Variants in LRRC4C observed in about 807,000 individuals in gnomAD.
The protein encoded by LRRC4C is leucine-rich repeat-containing protein 4C.
A neutral mutation model predicts 33.6 loss-of-function variants in LRRC4C; 5 were observed. The ratio of observed to expected loss-of-function variants is 0.15; its 90% CI spans 0.08 to 0.31. The LOEUF is 0.31. Ranked by LOEUF, LRRC4C falls within the 10% of genes least tolerant of loss-of-function variation. The probability of loss-of-function intolerance (pLI) is 1.00; values close to 1 mark genes in which losing one functional copy is unlikely to be tolerated. For missense variants in LRRC4C, 560 were observed against 796.7 expected (o/e 0.70, Z 3.58); for synonymous variants, 329 against 302.0 (o/e 1.09, Z -0.93).
chr11:41,076,717 C>T lies in LRRC4C; in HGVS notation c.-495-142994G>A, dbSNP rs368498337. 6.4e-4 allele frequency among the ~76,000 whole-genome samples: 98 copies of T among 152,244 alleles called. 4 individuals carry two copies. The South Asian group carries it at 0.018, about 27-fold the overall frequency. ...TGCCCATGGCCCCTCTCAAATCTCA[C>T]GTCCTTTTCACATTTCAAAACCAAT... On this transcript the variant is annotated intron_variant, in intron 1 of 6. Coordinates refer to ENST00000528697, the MANE Select transcript of LRRC4C (RefSeq NM_001258419.2).
Position 40,885,479 on chromosome 11 carries a change from G to A in LRRC4C, c.-407+48156C>T, listed in dbSNP as rs184284803. Among the ~76,000 whole-genome samples the A allele has an allele frequency of 4.0e-3, 607 of 152,068 alleles. 5 individuals carry two copies. Among genetic ancestry groups the A allele is most frequent in the African/African-American group, 0.014 (566 of 41,498 alleles). ...TCAAGGACCCTGTGGCTTATGTTGA[G>A]ACATGTTTAAAAGATAGTTCATCCA... On this transcript the variant is annotated intron_variant, in intron 2 of 6. Coordinates refer to ENST00000528697, the MANE Select transcript of LRRC4C (RefSeq NM_001258419.2).
intron 1 of LRRC4C, among the ~76,000 whole-genome samples, chr11:41,353,973 G>C (rs973888245): frequency 6.6e-6 from 1 of 152,052 alleles, no homozygotes; most frequent in Non-Finnish European, 1.5e-5. Flanking sequence ...AAAAAGACAA[G>C]GATGCCCACT....
At chr11:40,458,537 G>A (rs989840672) in intron 3 of LRRC4C, among the ~76,000 whole-genome samples, 9 of 152,090 alleles carry the variant, frequency 5.9e-5, no homozygotes, top group South Asian at 4.1e-4. Flanking sequence ...TTCATCATCC[G>A]TGAAGTTTCT....
At chr11:41,336,856 G>T (rs767243821) in intron 1 of LRRC4C, among the ~76,000 whole-genome samples, 3 of 151,968 alleles carry the variant, frequency 2.0e-5, no homozygotes, top group Non-Finnish European at 4.4e-5. Flanking sequence ...GCTAGTCCTT[G>T]CATGGACACC....
At chr11:40,207,972 C>T (rs1863283442) in intron 5 of LRRC4C, among the ~76,000 whole-genome samples, 2 of 152,284 alleles carry the variant, frequency 1.3e-5, no homozygotes, top group African/African-American at 4.8e-5. Context: ...ACCACTGCTT[C>T]CTGCCTCTTC....
At chr11:41,398,515 T>C (rs759506311) in intron 1 of LRRC4C, among the ~76,000 whole-genome samples, 3 of 151,946 alleles carry the variant, frequency 2.0e-5, no homozygotes, top group Non-Finnish European at 2.9e-5. Context: ...GACATTCCAT[T>C]CACTCCTAGA....
chr11:41,184,199 T>C (rs1565459435), intron 1 of LRRC4C, among the ~76,000 whole-genome samples: 1 of 152,112 alleles, frequency 6.6e-6, no homozygotes, highest in Non-Finnish European at 1.5e-5. Flanking sequence ...AACATTCAGC[T>C]CCTCATTATT....
chr11:40,561,026 A>T (rs905534847), intron 3 of LRRC4C, among the ~76,000 whole-genome samples: 1 of 152,234 alleles, frequency 6.6e-6, no homozygotes, highest in Non-Finnish European at 1.5e-5. Context: ...TCAATGTAAC[A>T]CATTAATGTA....
chr11:41,164,310 T>A lies in LRRC4C; in HGVS notation c.-495-230587A>T, dbSNP rs79050822. ...CACAGTCTTCCACTTCCACATCTTG[T>A]TCCAGTAGAAAGTCTTTAGGAACAA... On this transcript the variant is annotated intron_variant, in intron 1 of 6. Coordinates refer to ENST00000528697, the MANE Select transcript of LRRC4C (RefSeq NM_001258419.2). 3.5e-3 allele frequency among the ~76,000 whole-genome samples: 536 copies of A among 152,106 alleles called. 1 individual carries two copies. Among genetic ancestry groups the A allele is most frequent in the Non-Finnish European group, 6.1e-3 (413 of 67,998 alleles).
At chr11:40,591,086 G>T (rs548717231) in intron 3 of LRRC4C, among the ~76,000 whole-genome samples, 3 of 152,090 alleles carry the variant, frequency 2.0e-5, no homozygotes, top group African/African-American at 7.2e-5. Context: ...CCTCGCTGCC[G>T]CCTTGCAGTT....
chr11:40,124,856 C>G (rs1856089209), intron 6 of LRRC4C, among the ~76,000 whole-genome samples: 1 of 152,004 alleles, frequency 6.6e-6, no homozygotes, highest in African/African-American at 2.4e-5. Context: ...ATGGGTGCCC[C>G]ATTTATCCTA....
At chr11:41,339,009 C>A (rs1951547388) in intron 1 of LRRC4C, among the ~76,000 whole-genome samples, 1 of 151,980 alleles carries the variant, frequency 6.6e-6, no homozygotes. Context: ...AAATGCTGAA[C>A]AAATTGGGCT....
chr11:40,681,717 T>C (rs1218679002), intron 2 of LRRC4C, among the ~76,000 whole-genome samples: 1 of 152,016 alleles, frequency 6.6e-6, no homozygotes, highest in African/African-American at 2.4e-5. Flanking sequence ...CTGGGCAGCA[T>C]GGTGAAACCC....
intron 2 of LRRC4C, among the ~76,000 whole-genome samples, chr11:40,895,363 T>G (rs894047269): frequency 2.6e-5 from 4 of 151,854 alleles, no homozygotes; most frequent in Non-Finnish European, 5.9e-5. Flanking sequence ...TTATCTAAAC[T>G]AATTAAAATA....
chr11:41,282,166 C>A (rs1386213358), intron 1 of LRRC4C, among the ~76,000 whole-genome samples: 5 of 152,202 alleles, frequency 3.3e-5, no homozygotes, highest in African/African-American at 1.2e-4. Flanking sequence ...ACGGGGGATG[C>A]CCCTCTCTTT....
intron 2 of LRRC4C, among the ~76,000 whole-genome samples, chr11:40,902,086 T>C (rs1185001598): frequency 6.6e-6 from 1 of 151,802 alleles, no homozygotes; most frequent in African/African-American, 2.4e-5. Flanking sequence ...ATTTTATAGA[T>C]ATTGCATATT....
intron 2 of LRRC4C, among the ~76,000 whole-genome samples, chr11:40,892,887 G>A (rs1420385777): frequency 6.6e-6 from 1 of 152,100 alleles, no homozygotes; most frequent in Non-Finnish European, 1.5e-5. Flanking sequence ...ATATTATAAT[G>A]TATTTAATGT....
At chr11:41,290,395 C>T (rs937333060) in intron 1 of LRRC4C, among the ~76,000 whole-genome samples, 46 of 152,132 alleles carry the variant, frequency 3.0e-4, no homozygotes, top group Admixed American at 2.3e-3. Context: ...CATGTTCCTA[C>T]GAGTAAGCAG....
Position 40,936,056 on chromosome 11 carries a change from AT to A in LRRC4C, c.-495-2334del, listed in dbSNP as rs1565219366. On this transcript the variant is annotated intron_variant, in intron 1 of 6. Coordinates refer to ENST00000528697, the MANE Select transcript of LRRC4C (RefSeq NM_001258419.2). ...TATATATATATATATATATATATATATATATATATAACATAGTTTGAACCTT... is the reference window on the plus strand; with the variant it reads ...TATATATATATATATATATATATATAATATATATAACATAGTTTGAACCTT... 6.2e-3 allele frequency among the ~76,000 whole-genome samples: 605 copies of A among 97,702 alleles called. 23 individuals carry two copies. Among genetic ancestry groups the A allele is most frequent in the African/African-American group, 0.017 (445 of 25,898 alleles). 64.1% of individuals were successfully genotyped at this position (97,702 alleles called of 152,430 possible).
Sources: gnomAD v4.1 joint callset for allele counts (sites outside exome capture counted in the v4.1 genomes callset) on GRCh38, gnomAD v4.1.1 for gene constraint, MANE v1.5 for transcripts, NCBI Gene and HGNC (gene_info 2026-07-23, HGNC 2026-07-21) for gene names.